ADGRD1: variants seen among roughly 807,000 people sequenced by gnomAD.
The protein encoded by ADGRD1 is G-protein coupled receptor 133.
A neutral mutation model predicts 113.4 loss-of-function variants in ADGRD1; 77 were observed. The ratio of observed to expected loss-of-function variants is 0.68; its 90% CI spans 0.57 to 0.82. ADGRD1 has a LOEUF of 0.82. Ranked by LOEUF, ADGRD1 falls within the 40% of genes least tolerant of loss-of-function variation. The pLI is 0.00. For synonymous variants in ADGRD1, 474 were observed against 475.0 expected (o/e 1.00, Z 0.03); for missense variants, 1,036 against 1,139.1 (o/e 0.91, Z 1.30).
intron 18 of ADGRD1, among the ~76,000 whole-genome samples, chr12:131,116,085 G>A (rs1950456679): frequency 1.3e-5 from 2 of 152,134 alleles, no homozygotes; most frequent in African/African-American, 4.8e-5. Context: ...TTCTTAAAAA[G>A]CCCCACAAAC....
At chr12:131,056,085 C>G (rs930583678) in intron 13 of ADGRD1, among the ~76,000 whole-genome samples, 2 of 152,226 alleles carry the variant, frequency 1.3e-5, no homozygotes, top group African/African-American at 4.8e-5. Flanking sequence ...ATTTTCCCAT[C>G]ATCTGAAATC....
At chr12:131,039,952 G>C (rs10848272) in intron 13 of ADGRD1, among the ~76,000 whole-genome samples, 8,399 of 152,276 alleles carry the variant, frequency 0.055, 430 homozygotes, top group African/African-American at 0.14. Context: ...GGCCGGCGCA[G>C]ATAGGATCAT....
In ADGRD1 at chr12:131,129,530, G is replaced by A. The variant is rs981728243; in HGVS notation, c.2176-2195G>A. On this transcript the variant is annotated intron_variant, in intron 20 of 24. Transcript: ENST00000261654. ...AGTGACAGCCCCGCCCTGCTGTCTC[G>A]GTGTGGACGTTCAGGTTGTTTCCAA... Among the ~76,000 whole-genome samples the A allele has an allele frequency of 3.9e-5, 6 of 151,930 alleles. No homozygotes were observed. The East Asian group carries it at 7.7e-4, about 20-fold the overall frequency.
At chr12:131,132,291 G>T (rs1950952212) in intron 21 of ADGRD1, among the ~76,000 whole-genome samples, 2 of 152,208 alleles carry the variant, frequency 1.3e-5, no homozygotes, top group South Asian at 4.1e-4. Context: ...GTGTCCTGGT[G>T]TGCTCTGGGC....
intron 13 of ADGRD1, among the ~76,000 whole-genome samples, chr12:131,028,695 A>G (rs912912303): frequency 1.1e-4 from 16 of 151,048 alleles, no homozygotes; most frequent in Admixed American, 5.3e-4. Flanking sequence ...GGGAAGACCA[A>G]CCTCTCCCCT....
At chr12:131,021,317 G>A (rs930750995) in intron 13 of ADGRD1, among the ~76,000 whole-genome samples, 7 of 152,000 alleles carry the variant, frequency 4.6e-5, no homozygotes, top group Admixed American at 2.0e-4. Flanking sequence ...TAGTTGTCAC[G>A]TCTCCTAGGC....
rs758230057 is a variant in ADGRD1 at position 130,992,312 on chromosome 12, A to G, written c.886A>G (p.Ile296Val). 6.2e-7 allele frequency: 1 copy of G among 1,613,318 alleles called. No homozygotes were observed. The highest frequency in any genetic ancestry group is 1.7e-5 in the Admixed American group (1 of 60,020). Reference protein sequence around the residue: ...ERKTFQSPGVILSYLQNVSLS... With the variant: ...ERKTFQSPGVVLSYLQNVSLS... ...AAAAACCTTCCAAAGTCCCGGAGTGATACTGAGTTACCTCCAAAATGTATC... is the reference window on the plus strand; with the variant it reads ...AAAAACCTTCCAAAGTCCCGGAGTGGTACTGAGTTACCTCCAAAATGTATC... The change falls in exon 8 of 25, where the codon ATA (isoleucine) becomes GTA (valine). Residue 296 changes from isoleucine to valine, a missense_variant. Coordinates refer to ENST00000261654, the MANE Select transcript of ADGRD1 (RefSeq NM_198827.5).
In ADGRD1 at chr12:130,984,705, G is replaced by C. The variant is rs1272808396; in HGVS notation, c.491-2390G>C. Among the ~76,000 whole-genome samples the C allele has an allele frequency of 1.3e-5, 2 of 151,676 alleles. No homozygotes were observed. Among genetic ancestry groups the C allele is most frequent in the East Asian group, 1.9e-4 (1 of 5,160 alleles). Reference sequence around the variant, plus strand: ...TGTTGTACATTCTATGGGTTGGTGAGGTTGATCTTTCGCCCATTTTAAAAA... The same window carrying C: ...TGTTGTACATTCTATGGGTTGGTGACGTTGATCTTTCGCCCATTTTAAAAA... On this transcript the variant is annotated intron_variant, in intron 5 of 24. Transcript: ENST00000261654. The surrounding 1 kb of genome is among the most constrained non-coding windows in gnomAD (Gnocchi z 4.1).
At chr12:130,973,476 C>G (rs1015574654) in intron 4 of ADGRD1, 1 of 152,226 alleles carries the variant, frequency 6.6e-6, no homozygotes, top group African/African-American at 2.4e-5. Flanking sequence ...CCAAACTTCC[C>G]CTTCATCACT....
chr12:131,013,307 G>A (rs1400036918), intron 12 of ADGRD1, among the ~76,000 whole-genome samples: 2 of 152,166 alleles, frequency 1.3e-5, no homozygotes, highest in Non-Finnish European at 2.9e-5. Context: ...GGCTTCAGGA[G>A]CAGCTCGATC....
chr12:131,135,669 G>A (rs1442822201), intron 21 of ADGRD1, among the ~76,000 whole-genome samples: 6 of 152,010 alleles, frequency 3.9e-5, no homozygotes, highest in East Asian at 1.9e-4. Context: ...TGCGGGGGAT[G>A]CTCTGCTGCT....
In ADGRD1 at chr12:131,131,724, G is replaced by C. The variant is rs1311776365; in HGVS notation, c.2176-1G>C. On this transcript the variant is annotated splice_acceptor_variant, in intron 20 of 24. Coordinates refer to ENST00000261654, the MANE Select transcript of ADGRD1 (RefSeq NM_198827.5). LOFTEE classifies it high-confidence loss of function. ...ACCTTCCTCCATGGTTTCTTGTGCA[G>C]GTCAACATTGGCATCCTCATCGCTG... is the stretch of plus-strand genomic sequence containing the variant. The C allele has an allele frequency of 5.6e-6, 9 of 1,606,294 alleles. No homozygotes were observed. The highest frequency in any genetic ancestry group is 3.3e-4 in the Middle Eastern group (2 of 6,032).
chr12:130,993,054 C>G (rs555454167), intron 8 of ADGRD1, among the ~76,000 whole-genome samples: 20 of 152,302 alleles, frequency 1.3e-4, no homozygotes, highest in African/African-American at 4.6e-4. Flanking sequence ...CACGGCTGCA[C>G]TGACCTTTGA....
At chr12:131,035,236 C>T (rs1379134267) in intron 13 of ADGRD1, 1 of 152,858 alleles carries the variant, frequency 6.5e-6, no homozygotes, top group African/African-American at 2.4e-5. Flanking sequence ...TCCTGGGGCC[C>T]TTTCCCAGCG....
Position 131,139,348 on chromosome 12 carries a change from C to G in ADGRD1, c.*85C>G, listed in dbSNP as rs1951190736. The stretch of plus-strand genomic sequence containing the variant: ...AAATGCCCCACCTTTGCCCATGGAC[C>G]CTCTCCTTGCTGCTGTCTGGACATG... On this transcript the variant is annotated 3_prime_UTR_variant, in exon 25 of 25. Transcript: ENST00000261654. The G allele has an allele frequency of 1.1e-6, 1 of 900,720 alleles. No individual in the cohort carries two copies. The highest frequency in any genetic ancestry group is 2.0e-5 in the Admixed American group (1 of 49,172). 55.8% of individuals were successfully genotyped at this position (900,720 alleles called of 1,614,324 possible).
intron 16 of ADGRD1, 31 bp from the exon 17 acceptor site, chr12:131,105,723 C>T: frequency 6.4e-7 from 1 of 1,554,584 alleles, no homozygotes; most frequent in Non-Finnish European, 8.8e-7. Flanking sequence ...CGGCGCAGGG[C>T]CCAGGCCTCA....
In ADGRD1 at chr12:130,955,258, C is replaced by A. The variant is rs528198044; in HGVS notation, c.103+598C>A. 9.9e-5 allele frequency among the ~76,000 whole-genome samples: 15 copies of A among 152,134 alleles called. No individual in the cohort carries two copies. The East Asian group carries it at 2.9e-3, about 29-fold the overall frequency. ...GGGATTACAGATGTGAGCCACCACACCCATCTCATGTCTTCAGGGCAGATT... is the reference window on the plus strand; with the variant it reads ...GGGATTACAGATGTGAGCCACCACAACCATCTCATGTCTTCAGGGCAGATT... On this transcript the variant is annotated intron_variant, in intron 2 of 24. Coordinates refer to ENST00000261654, the MANE Select transcript of ADGRD1 (RefSeq NM_198827.5).
intron 13 of ADGRD1, among the ~76,000 whole-genome samples, chr12:131,016,858 G>A (rs932952163): frequency 1.3e-5 from 2 of 150,172 alleles, no homozygotes; most frequent in African/African-American, 2.5e-5. Flanking sequence ...GGGCCAGTGC[G>A]TTCCAGCCTG....
chr12:131,076,653 C>T, intron 13 of ADGRD1, 148 bp from the exon 14 acceptor site: 2 of 700,806 alleles, frequency 2.9e-6, no homozygotes, highest in South Asian at 1.6e-5. Flanking sequence ...TGGGACCACA[C>T]CCACAATGGA....
Sources: gnomAD v4.1 joint callset for allele counts (sites outside exome capture counted in the v4.1 genomes callset) on GRCh38, gnomAD v4.1.1 for gene constraint, Gnocchi (gnomAD v3.1) non-coding constraint, MANE v1.5 for transcripts, NCBI Gene and HGNC (gene_info 2026-07-23, HGNC 2026-07-21) for gene names.